The following ZGPAT variants were observed in gnomAD, a reference collection of about 807,000 sequenced individuals.
ZGPAT encodes the protein zinc finger CCCH-type and G-patch domain containing.
ZGPAT carries 39 observed loss-of-function variants against 47.9 expected under a neutral mutation model. The observed-to-expected ratio is 0.81, with a 90% confidence interval of 0.63 to 1.06. The LOEUF (loss-of-function observed/expected upper bound fraction) is 1.06. ZGPAT is among the 50% of genes least tolerant of loss of function. The pLI is 0.00. For synonymous variants in ZGPAT, 348 were observed against 292.9 expected, an observed-to-expected ratio of 1.19 and a Z score of -1.92; for missense variants, 717 against 681.4, an observed-to-expected ratio of 1.05 and a Z score of -0.58.
chr20:63,733,747 A>T lies in ZGPAT; in HGVS notation c.871+8A>T, dbSNP rs184204215. On this transcript the variant is annotated splice_region_variant and intron_variant, in intron 4 of 6. Coordinates refer to ENST00000355969, the MANE Select transcript of ZGPAT (RefSeq NM_181485.3). ...ACTCCAGCTATGCCAGAGGTATGGC[A>T]GCAGCTGCGGAGCCCAGGAGCCAGG... The T allele has an allele frequency of 1.0e-3, 1,631 of 1,604,118 alleles. 7 individuals are homozygous for T. The highest frequency in any genetic ancestry group is 8.9e-4 in the Non-Finnish European group (1,040 of 1,174,188).
rs149878217 is a variant in ZGPAT at position 63,720,445 on chromosome 20, G to A, written c.584+11281G>A. On this transcript the variant is annotated intron_variant, in intron 2 of 6. Coordinates refer to ENST00000355969, the MANE Select transcript of ZGPAT (RefSeq NM_181485.3). ...GCTGGAATTACAGGTGTGAGCCACC[G>A]CGCCCAGCCTATTTTTTATTTTTTG... Among the ~76,000 whole-genome samples the A allele has an allele frequency of 3.3e-5, 5 of 152,186 alleles. No individual in the cohort carries two copies. In the South Asian group the frequency reaches 6.2e-4, roughly 19 times the overall value.
intron 2 of ZGPAT, among the ~76,000 whole-genome samples, chr20:63,732,676 GTGTGCA>G (rs1450845578): frequency 6.1e-5 from 4 of 65,296 alleles, no homozygotes; most frequent in African/African-American, 1.1e-4. Flanking sequence ...GTATATGCCT[GTGTGCA>G]TGTGTGTATG....
intron 2 of ZGPAT, among the ~76,000 whole-genome samples, chr20:63,712,168 G>A (rs894180813): frequency 6.6e-6 from 1 of 152,108 alleles, no homozygotes; most frequent in African/African-American, 2.4e-5. Context: ...TCCATTTTGA[G>A]TTAATTTTTG....
At chr20:63,716,515 CCTCT>C in intron 2 of ZGPAT, among the ~76,000 whole-genome samples, 1 of 149,176 alleles carries the variant, frequency 6.7e-6, no homozygotes, top group African/African-American at 2.5e-5. Flanking sequence ...CTCTTTTCTT[CCTCT>C]TTTTTTTTTT....
At chr20:63,734,409 G>A in intron 4 of ZGPAT, 1 of 488,336 alleles carries the variant, frequency 2.0e-6, no homozygotes, top group Non-Finnish European at 3.6e-6. Context: ...AGGTGGAGAA[G>A]GGCAGGGGCA....
In ZGPAT at chr20:63,733,093, T is replaced by C. The variant is rs974981591; in HGVS notation, c.585-126T>C. 8.1e-6 allele frequency: 10 copies of C among 1,241,226 alleles called. No homozygotes were observed. In the African/African-American group the frequency reaches 1.0e-4, roughly 13 times the overall value. The allele number at this position is 1,241,226 out of a possible 1,614,324, so 76.9% of individuals were successfully genotyped here. A position where few individuals can be genotyped will look rare whatever the true frequency, so the allele number is the denominator to read the frequency against. Reference sequence around the variant, plus strand: ...GTGCGTGAGTGTGTGAGAGTGTGTATGTATACGCACGCGTGTGTGTCTGTC... The same window carrying C: ...GTGCGTGAGTGTGTGAGAGTGTGTACGTATACGCACGCGTGTGTGTCTGTC... On this transcript the variant is annotated intron_variant, in intron 2 of 6. Coordinates refer to ENST00000355969, the MANE Select transcript of ZGPAT (RefSeq NM_181485.3).
At chr20:63,722,253 A>G (rs574252595) in intron 2 of ZGPAT, among the ~76,000 whole-genome samples, 41 of 152,302 alleles carry the variant, frequency 2.7e-4, no homozygotes, top group African/African-American at 9.9e-4. Context: ...GTAGTGGCTG[A>G]GCAGAAATAG....
intron 2 of ZGPAT, among the ~76,000 whole-genome samples, chr20:63,724,363 T>TAAAAAAA (rs59890523): frequency 2.1e-4 from 26 of 124,400 alleles, no homozygotes; most frequent in South Asian, 6.1e-4. Flanking sequence ...AGACTCTGCC[T>TAAAAAAA]AAAAAAAAAA....
intron 2 of ZGPAT, among the ~76,000 whole-genome samples, chr20:63,721,297 AGCTGAGATTGC>A (rs2091784866): frequency 6.6e-6 from 1 of 151,180 alleles, no homozygotes; most frequent in Admixed American, 6.6e-5. Flanking sequence ...GGTTGCAGTG[AGCTGAGATTGC>A]GCCATTGCAC....
At chr20:63,720,322 A>G (rs1386889301) in intron 2 of ZGPAT, among the ~76,000 whole-genome samples, 5 of 151,664 alleles carry the variant, frequency 3.3e-5, no homozygotes, top group African/African-American at 1.2e-4. Context: ...CTCCTGGCTA[A>G]TTTTTTGTAT....
chr20:63,710,774 A>G (rs2091657951), intron 2 of ZGPAT, among the ~76,000 whole-genome samples: 1 of 152,368 alleles, frequency 6.6e-6, no homozygotes, highest in South Asian at 2.1e-4. Flanking sequence ...ATGTGAGGAC[A>G]AAAAAGAGTA....
At chr20:63,724,362 C>CA in intron 2 of ZGPAT, among the ~76,000 whole-genome samples, 1 of 34,586 alleles carries the variant, frequency 2.9e-5, no homozygotes. Context: ...GAGACTCTGC[C>CA]TAAAAAAAAA....
In ZGPAT at chr20:63,735,630, T is replaced by C. The variant is rs536313282; in HGVS notation, c.1397+66T>C. 11 of 1,496,430 alleles carry C rather than the reference T, an allele frequency of 7.4e-6. No individual in the cohort carries two copies. In the African/African-American group the frequency reaches 1.1e-4, roughly 15 times the overall value. 92.7% of individuals were successfully genotyped at this position (1,496,430 alleles called of 1,614,324 possible). On this transcript the variant is annotated intron_variant, in intron 6 of 6. Transcript: ENST00000355969. Reference sequence around the variant, plus strand: ...GTGGCCCTGCCCCCGGGATACATGCTGGAGGTCACCTGACCCAAGCATAGC... The same window carrying C: ...GTGGCCCTGCCCCCGGGATACATGCCGGAGGTCACCTGACCCAAGCATAGC...
intron 1 of ZGPAT, 22 bp from the exon 2 acceptor site, chr20:63,708,531 C>T: frequency 6.6e-7 from 1 of 1,517,304 alleles, no homozygotes; most frequent in Non-Finnish European, 8.9e-7. Flanking sequence ...ACGCGGGGCT[C>T]AGCTGGCTTC....
intron 2 of ZGPAT, among the ~76,000 whole-genome samples, chr20:63,709,705 G>A (rs1226743589): frequency 6.6e-6 from 1 of 151,292 alleles, no homozygotes; most frequent in South Asian, 2.1e-4. Flanking sequence ...TTGAGACAGG[G>A]TCTTACTTTG....
intron 4 of ZGPAT, 176 bp from the exon 5 acceptor site, chr20:63,734,529 C>T: frequency 7.8e-7 from 1 of 1,276,472 alleles, no homozygotes; most frequent in Non-Finnish European, 1.1e-6. Flanking sequence ...GCACGGAGCC[C>T]AAGAGGTGGG....
At position 63,733,225 on chromosome 20, in the gene ZGPAT, C is replaced by G. The variant is rs1485050758; in HGVS notation, c.591C>G (p.Ser197=). The change falls in exon 3 of 7, where the codon TCC becomes TCG. Residue 197 remains serine, a synonymous_variant. Transcript: ENST00000355969. ...CTTACGGCTCTGTCTGCAGGTTCTC[C>G]CATGGGCAGGTGGTCTCTCTGGATG... is the stretch of plus-strand genomic sequence containing the variant. ...KCRFKENCRF[S]HGQVVSLDEL... The G allele has an allele frequency of 1.2e-6, 2 of 1,613,374 alleles. No homozygotes were observed. Among genetic ancestry groups the G allele is most frequent in the African/African-American group, 2.7e-5 (2 of 74,898 alleles).
At chr20:63,730,984 G>A (rs1031056475) in intron 2 of ZGPAT, among the ~76,000 whole-genome samples, 1 of 149,750 alleles carries the variant, frequency 6.7e-6, no homozygotes, top group Admixed American at 6.6e-5. Context: ...GTGTGTGTGT[G>A]TGTGTGTCTC....
intron 2 of ZGPAT, among the ~76,000 whole-genome samples, chr20:63,710,010 G>A (rs554076151): frequency 2.6e-5 from 4 of 152,044 alleles, no homozygotes; most frequent in East Asian, 1.9e-4. Context: ...ACAGGCGCCC[G>A]CCACCATGTC....
Sources: gnomAD v4.1 joint callset for allele counts (sites outside exome capture counted in the v4.1 genomes callset) on GRCh38, gnomAD v4.1.1 for gene constraint, MANE v1.5 for transcripts, NCBI Gene and HGNC (gene_info 2026-07-23, HGNC 2026-07-21) for gene names.